The following PAPPA2 variants were observed in gnomAD, a reference collection of about 807,000 sequenced individuals.
The protein encoded by PAPPA2 is pappalysin 2.
PAPPA2 carries 86 observed loss-of-function variants against 176.4 expected under a neutral mutation model. That is an observed-to-expected ratio of 0.49 (90% confidence interval 0.41 to 0.58). The LOEUF (loss-of-function observed/expected upper bound fraction) is 0.58. Among genes scored for constraint, PAPPA2 ranks in the 20% least tolerant of loss-of-function variants. The pLI is 0.00. For missense variants in PAPPA2, 2,073 were observed against 2,256.9 expected, an observed-to-expected ratio of 0.92 and a Z score of 1.65; for synonymous variants, 809 against 852.2, an observed-to-expected ratio of 0.95 and a Z score of 0.88.
chr1:176,699,552 G>C lies in PAPPA2; in HGVS notation c.3199G>C (p.Val1067Leu). The change falls in exon 8 of 23, where the codon GTG becomes CTG. Residue 1067 changes from valine (V) to leucine (L), a missense_variant. Transcript: ENST00000367662. ...RDPPFASGLP[V>L]VVTHSHRKFT... The stretch of plus-strand genomic sequence containing the variant: ...TCCCCCATTTGCCAGTGGTTTGCCC[G>C]TGGTGGTGACACATTCTCACAGGAA... The C allele has an allele frequency of 1.2e-6, 2 of 1,609,788 alleles. No individual in the cohort carries two copies. Among genetic ancestry groups the C allele is most frequent in the Non-Finnish European group, 1.7e-6 (2 of 1,176,524 alleles).
chr1:176,544,343 A>G (rs1650510699), intron 1 of PAPPA2, among the ~76,000 whole-genome samples: 1 of 152,202 alleles, frequency 6.6e-6, no homozygotes, highest in African/African-American at 2.4e-5. Context: ...TGCTTAGTAC[A>G]GAAATGTAGG....
chr1:176,730,875 T>A (rs1662109762), intron 12 of PAPPA2, among the ~76,000 whole-genome samples: 1 of 152,142 alleles, frequency 6.6e-6, no homozygotes, highest in Non-Finnish European at 1.5e-5. Flanking sequence ...TAGCATTTTG[T>A]TTGTTTCTAG....
intron 21 of PAPPA2, among the ~76,000 whole-genome samples, chr1:176,825,839 A>G (rs958954467): frequency 3.9e-5 from 6 of 152,248 alleles, no homozygotes; most frequent in African/African-American, 1.4e-4. Context: ...CTAAGTAGCC[A>G]CTTTGGCAGG....
intron 22 of PAPPA2, among the ~76,000 whole-genome samples, chr1:176,840,484 C>A (rs17312810): frequency 0.059 from 8,991 of 152,198 alleles, 347 homozygotes; most frequent in Non-Finnish European, 0.086. Flanking sequence ...TTCAGTGATT[C>A]TTTCAGAAAA....
At chr1:176,505,897 C>T (rs1648233926) in intron 1 of PAPPA2, among the ~76,000 whole-genome samples, 1 of 151,844 alleles carries the variant, frequency 6.6e-6, no homozygotes, top group Non-Finnish European at 1.5e-5. Context: ...CTTACAAGAC[C>T]AGTAAAAAAA....
At chr1:176,732,144 A>G (rs1262203955) in intron 12 of PAPPA2, among the ~76,000 whole-genome samples, 8 of 152,190 alleles carry the variant, frequency 5.3e-5, no homozygotes, top group African/African-American at 1.7e-4. Context: ...ACCAAGTCCA[A>G]TCACTACTTT....
chr1:176,595,326 T>C lies in PAPPA2; in HGVS notation c.1722T>C (p.Asn574=). Reference sequence around the variant, plus strand: ...AGCTGAGCGTCCACCAGGTCCACAATTCCACCCTGCGACACCGGGTTGTGC... The same window carrying C: ...AGCTGAGCGTCCACCAGGTCCACAACTCCACCCTGCGACACCGGGTTGTGC... The part of the protein sequence containing the change: ...SWQLSVHQVH[N]STLRHRVVLV... Residue 574 remains asparagine, a synonymous_variant, in exon 3 of 23, where the codon AAT becomes AAC. Transcript: ENST00000367662. 6.2e-7 allele frequency: 1 copy of C among 1,614,072 alleles called. No homozygotes were observed. The highest frequency in any genetic ancestry group is 1.1e-5 in the South Asian group (1 of 91,082).
At chr1:176,486,769 G>C (rs888877402) in intron 1 of PAPPA2, among the ~76,000 whole-genome samples, 16 of 152,160 alleles carry the variant, frequency 1.1e-4, no homozygotes, top group Non-Finnish European at 2.1e-4. Context: ...AATGGGACTA[G>C]ATTGTGGTTG....
At chr1:176,547,533 G>T (rs1297608774) in intron 1 of PAPPA2, among the ~76,000 whole-genome samples, 1 of 152,294 alleles carries the variant, frequency 6.6e-6, no homozygotes, top group South Asian at 2.1e-4. Flanking sequence ...ATAGAAAACA[G>T]GTAGCAATGA....
intron 2 of PAPPA2, among the ~76,000 whole-genome samples, chr1:176,591,264 T>C (rs928512782): frequency 6.6e-6 from 1 of 152,136 alleles, no homozygotes; most frequent in African/African-American, 2.4e-5. Flanking sequence ...TTGGAATTCT[T>C]TGGCTTTGGC....
chr1:176,649,438 T>C (rs893403837), intron 3 of PAPPA2, among the ~76,000 whole-genome samples: 4 of 151,336 alleles, frequency 2.6e-5, no homozygotes, highest in African/African-American at 7.3e-5. Flanking sequence ...CTTTGATCTT[T>C]ATGATTTCTT....
At chr1:176,672,672 T>C (rs1018517003) in intron 4 of PAPPA2, among the ~76,000 whole-genome samples, 10 of 152,128 alleles carry the variant, frequency 6.6e-5, no homozygotes, top group African/African-American at 2.4e-4. Flanking sequence ...AAAAGGGTTA[T>C]ATATACCAGA....
At chr1:176,690,957 T>C in intron 5 of PAPPA2, 1 of 983,136 alleles carries the variant, frequency 1.0e-6, no homozygotes, top group Non-Finnish European at 1.2e-6. Flanking sequence ...CCAGCACTAG[T>C]CAAGCACAAA....
At chr1:176,730,589 TTTG>T (rs1303460439) in intron 12 of PAPPA2, among the ~76,000 whole-genome samples, 3 of 141,232 alleles carry the variant, frequency 2.1e-5, no homozygotes, top group Non-Finnish European at 3.1e-5. Flanking sequence ...TGTTCTCGTT[TTTG>T]TTTTTTGTTT....
chr1:176,519,530 A>T (rs1383379733), intron 1 of PAPPA2, among the ~76,000 whole-genome samples: 1 of 152,176 alleles, frequency 6.6e-6, no homozygotes, highest in African/African-American at 2.4e-5. Flanking sequence ...CTTCAGATGA[A>T]GGTCCAGGGT....
At chr1:176,730,322 A>G (rs532167065) in intron 12 of PAPPA2, among the ~76,000 whole-genome samples, 13 of 151,432 alleles carry the variant, frequency 8.6e-5, no homozygotes, top group African/African-American at 2.9e-4. Flanking sequence ...ATTTTTTTCT[A>G]TTTTTTCCAA....
At chr1:176,507,767 C>T (rs1054521894) in intron 1 of PAPPA2, among the ~76,000 whole-genome samples, 2 of 149,222 alleles carry the variant, frequency 1.3e-5, no homozygotes, top group African/African-American at 4.9e-5. Flanking sequence ...ATACAGTAGA[C>T]ATTGTGGACT....
At chr1:176,692,449 G>A (rs1660162920) in intron 6 of PAPPA2, 131 bp downstream of exon 6, 1 of 908,706 alleles carries the variant, frequency 1.1e-6, no homozygotes, top group African/African-American at 1.7e-5. Flanking sequence ...GCTCAGAGCT[G>A]CTGCTCCAGC....
chr1:176,840,407 T>G, intron 22 of PAPPA2, 136 bp downstream of exon 22: 1 of 681,116 alleles, frequency 1.5e-6, no homozygotes. Context: ...TGAACAAACA[T>G]TGGAGCTTCT....
Sources: gnomAD v4.1 joint callset for allele counts (sites outside exome capture counted in the v4.1 genomes callset) on GRCh38, gnomAD v4.1.1 for gene constraint, MANE v1.5 for transcripts, NCBI Gene and HGNC (gene_info 2026-07-23, HGNC 2026-07-21) for gene names.